The following ZNF438 variants were observed in gnomAD, a reference collection of about 807,000 sequenced individuals.
ZNF438 encodes zinc finger protein 438.
Under a neutral mutation model 38.0 loss-of-function variants are expected in ZNF438, and 25 were observed. That is an observed-to-expected ratio of 0.66 (90% CI 0.48 to 0.92). The LOEUF (loss-of-function observed/expected upper bound fraction) is 0.92. Ranked by LOEUF, ZNF438 falls within the 40% of genes least tolerant of loss-of-function variation. ZNF438 has a pLI of 0.00. For synonymous variants in ZNF438, 372 were observed against 364.1 expected (o/e 1.02, Z -0.25); for missense variants, 1,007 against 999.6 (o/e 1.01, Z -0.10).
intron 2 of ZNF438, among the ~76,000 whole-genome samples, chr10:30,940,421 AT>A (rs2046693912): frequency 2.0e-5 from 3 of 152,228 alleles, no homozygotes; most frequent in African/African-American, 7.2e-5. Context: ...AGAACGTGTC[AT>A]AGAGAGGCTT....
chr10:30,950,973 G>T (rs2048116523), intron 1 of ZNF438, among the ~76,000 whole-genome samples: 1 of 140,350 alleles, frequency 7.1e-6, no homozygotes, highest in Non-Finnish European at 1.6e-5. Flanking sequence ...CAATATCCTT[G>T]ATGAACATTG....
At chr10:30,889,752 A>G (rs2040441605) in intron 3 of ZNF438, among the ~76,000 whole-genome samples, 1 of 152,084 alleles carries the variant, frequency 6.6e-6, no homozygotes, top group Non-Finnish European at 1.5e-5. Context: ...ACTCACCCTT[A>G]ATTTTCAGGA....
chr10:31,025,818 A>C (rs2056900279), intron 1 of ZNF438, among the ~76,000 whole-genome samples: 2 of 152,220 alleles, frequency 1.3e-5, no homozygotes, highest in African/African-American at 4.8e-5. Context: ...GAAATGAAGC[A>C]AAAATAAGTG....
chr10:30,858,320 G>T (rs2035026319), intron 4 of ZNF438, among the ~76,000 whole-genome samples: 1 of 152,184 alleles, frequency 6.6e-6, no homozygotes, highest in Non-Finnish European at 1.5e-5. Flanking sequence ...TCCACTTGGG[G>T]TTCAAACTGT....
intron 1 of ZNF438, among the ~76,000 whole-genome samples, chr10:30,972,596 A>G (rs1275246536): frequency 6.6e-6 from 1 of 152,168 alleles, no homozygotes; most frequent in Non-Finnish European, 1.5e-5. Context: ...CATGGAGGTA[A>G]GCCACATGCA....
chr10:31,031,754 G>GCCACCA (rs2057309922), intron 1 of ZNF438, 79 bp downstream of exon 1: 1 of 153,936 alleles, frequency 6.5e-6, no homozygotes. Context: ...CGCCCCCAGA[G>GCCACCA]CCACCACCAC....
At chr10:30,924,368 C>T (rs1175621011) in intron 2 of ZNF438, among the ~76,000 whole-genome samples, 3 of 152,040 alleles carry the variant, frequency 2.0e-5, no homozygotes, top group South Asian at 2.1e-4. Context: ...AGAAATGTAA[C>T]GATGTGTGAG....
chr10:30,995,092 G>T (rs1380001851), intron 1 of ZNF438, among the ~76,000 whole-genome samples: 1 of 151,614 alleles, frequency 6.6e-6, no homozygotes, highest in Admixed American at 6.6e-5. Context: ...AATAATGGTT[G>T]AAATCTTTCC....
chr10:30,961,293 A>T (rs1462750410), intron 1 of ZNF438, among the ~76,000 whole-genome samples: 3 of 145,848 alleles, frequency 2.1e-5, no homozygotes, highest in African/African-American at 7.3e-5. Context: ...ACCTTTTTAA[A>T]AAATTATTAG....
chr10:30,845,415 A>G, exon 6 of ZNF438: 1 of 1,614,086 alleles, frequency 6.2e-7, no homozygotes, highest in Non-Finnish European at 8.5e-7. Context: ...CCCTTCTTGT[A>G]GCCTGCCCTC....
intron 1 of ZNF438, among the ~76,000 whole-genome samples, chr10:30,957,898 G>A (rs1453242679): frequency 1.7e-5 from 2 of 118,488 alleles, no homozygotes; most frequent in Admixed American, 1.7e-4. Context: ...GCTGTACTCA[G>A]GTGTTCTATT....
At chr10:30,985,289 G>A (rs972157366) in intron 1 of ZNF438, among the ~76,000 whole-genome samples, 1 of 152,076 alleles carries the variant, frequency 6.6e-6, no homozygotes, top group Non-Finnish European at 1.5e-5. Flanking sequence ...TTAAAGACAC[G>A]GATTTAATGA....
chr10:30,877,835 A>T (rs2038665339), intron 3 of ZNF438, among the ~76,000 whole-genome samples: 2 of 152,224 alleles, frequency 1.3e-5, no homozygotes, highest in Admixed American at 6.5e-5. Context: ...CCTAAGCATG[A>T]CACCAAGTAC....
chr10:30,854,474 GATCA>G (rs1303871429), intron 4 of ZNF438, among the ~76,000 whole-genome samples: 1 of 152,092 alleles, frequency 6.6e-6, no homozygotes, highest in African/African-American at 2.4e-5. Flanking sequence ...GTAATAGAGT[GATCA>G]ATGAGAAAAA....
intron 4 of ZNF438, among the ~76,000 whole-genome samples, chr10:30,850,829 A>C (rs1332103552): frequency 1.3e-5 from 2 of 152,204 alleles, no homozygotes; most frequent in Admixed American, 1.3e-4. Context: ...GGTACAGCCT[A>C]TATTCATCTC....
At chr10:31,020,177 T>A (rs140390581) in intron 1 of ZNF438, among the ~76,000 whole-genome samples, 1 of 152,296 alleles carries the variant, frequency 6.6e-6, no homozygotes. Flanking sequence ...TATTCAGGAA[T>A]CAATTTTTTC....
intron 1 of ZNF438, among the ~76,000 whole-genome samples, chr10:31,000,480 T>C (rs984700812): frequency 6.6e-6 from 1 of 152,162 alleles, no homozygotes; most frequent in Non-Finnish European, 1.5e-5. Context: ...CCCACAAAAC[T>C]CTGATACCAA....
At chr10:30,886,586 G>A (rs1286227853) in intron 3 of ZNF438, among the ~76,000 whole-genome samples, 1 of 152,160 alleles carries the variant, frequency 6.6e-6, no homozygotes, top group Non-Finnish European at 1.5e-5. Flanking sequence ...CCTATAGTTA[G>A]GCAAAATCAT....
intron 1 of ZNF438, among the ~76,000 whole-genome samples, chr10:30,993,180 T>G (rs1460248148): frequency 6.6e-6 from 1 of 152,210 alleles, no homozygotes; most frequent in Non-Finnish European, 1.5e-5. Context: ...TTCATATTGA[T>G]ACAAGGGACC....
Sources: gnomAD v4.1 joint callset for allele counts (sites outside exome capture counted in the v4.1 genomes callset) on GRCh38, gnomAD v4.1.1 for gene constraint, MANE v1.5 for transcripts, NCBI Gene and HGNC (gene_info 2026-07-23, HGNC 2026-07-21) for gene names.